Variants in RPS15A observed in about 807,000 individuals in gnomAD.
The protein encoded by RPS15A is ribosomal protein S15a, also known as small ribosomal subunit protein uS8.
For missense variants in RPS15A, 62 were observed against 163.4 expected (o/e 0.38, Z 3.38); for synonymous variants, 55 against 58.5 (o/e 0.94, Z 0.27).
chr16:18,783,343 C>G (rs558528987), intron 4 of RPS15A: 1 of 507,702 alleles, frequency 2.0e-6, no homozygotes, highest in Non-Finnish European at 3.5e-6. Context: ...TCTGCCTACA[C>G]CATGAAACAA....
At chr16:18,785,347 AT>A in intron 3 of RPS15A, 1 of 152,246 alleles carries the variant, frequency 6.6e-6, no homozygotes. Flanking sequence ...CCCCAGACAA[AT>A]TTTTCCAAAC....
chr16:18,783,376 G>A, intron 4 of RPS15A: 1 of 444,150 alleles, frequency 2.3e-6, no homozygotes, highest in Non-Finnish European at 4.1e-6. Context: ...ACAAAGGCTG[G>A]GAACTCCTTT....
chr16:18,784,670 C>G, intron 4 of RPS15A, 68 bp downstream of exon 4: 1 of 1,237,578 alleles, frequency 8.1e-7, no homozygotes, highest in Non-Finnish European at 1.1e-6. Context: ...GAAAAAAACC[C>G]TTAAGTCAAA....
At chr16:18,784,889 C>T (rs1904022152) in intron 3 of RPS15A, 66 bp from the exon 4 acceptor site, 1 of 1,281,064 alleles carries the variant, frequency 7.8e-7, no homozygotes, top group Non-Finnish European at 1.1e-6. Context: ...CTGAGTAACA[C>T]AAGATGACAT....
chr16:18,788,120 G>A lies in RPS15A; in HGVS notation c.156C>T (p.Ile52=), dbSNP rs1567288033. 1 of 1,611,754 alleles carries A rather than the reference G, an allele frequency of 6.2e-7. No homozygotes were observed. The highest frequency in any genetic ancestry group is 8.5e-7 in the Non-Finnish European group (1 of 1,178,236). Reference sequence around the variant, plus strand: ...TTTTCCCAGCTCTGTGGTCATCAATGATTTCAAATTCGCCAATGTAACCTA... The same window carrying A: ...TTTTCCCAGCTCTGTGGTCATCAATAATTTCAAATTCGCCAATGTAACCTA... ...MKHGYIGEFE[I]IDDHRAGKIV... is the part of the protein sequence containing the mutation. Residue 52 remains isoleucine, a synonymous_variant, in exon 3 of 5, where the codon ATC becomes ATT. Coordinates refer to ENST00000322989, the MANE Select transcript of RPS15A (RefSeq NM_001019.5).
chr16:18,789,746 A>AC (rs1167025345), intron 1 of RPS15A, among the ~76,000 whole-genome samples: 2 of 152,232 alleles, frequency 1.3e-5, no homozygotes, highest in Admixed American at 6.5e-5. Flanking sequence ...ACCGCACACT[A>AC]CACTGAAGTT....
At position 18,789,063 on chromosome 16, in the gene RPS15A, G is replaced by C. The variant is rs375762261; in HGVS notation, c.51C>G (p.Ala17=). The C allele has an allele frequency of 3.7e-6, 6 of 1,614,092 alleles. No homozygotes were observed. The highest frequency in any genetic ancestry group is 2.2e-5 in the East Asian group (1 of 44,882). Residue 17 remains alanine (A), a synonymous_variant, in exon 2 of 5, where the codon GCC becomes GCG. Coordinates refer to ENST00000322989, the MANE Select transcript of RPS15A (RefSeq NM_001019.5). ...GCACCTGGCGTTTGCCTCTCTTTTC[G>C]GCATTGTTGATACTCTTGAGAGCAT... ...LADALKSINN[A]EKRGKRQVLI... is the part of the protein sequence containing the mutation.
chr16:18,785,589 TG>T (rs1055535049), intron 3 of RPS15A: 3 of 152,144 alleles, frequency 2.0e-5, no homozygotes, highest in African/African-American at 7.2e-5. Context: ...CAGGCACACT[TG>T]AAAAACACTT....
At chr16:18,784,654 A>G in intron 4 of RPS15A, 84 bp downstream of exon 4, 1 of 1,076,178 alleles carries the variant, frequency 9.3e-7, no homozygotes, top group East Asian at 2.4e-5. Context: ...TTTAAACAGA[A>G]AAAAAGAAAA....
chr16:18,785,155 G>A (rs1405248812), intron 3 of RPS15A: 1 of 211,560 alleles, frequency 4.7e-6, no homozygotes, highest in Non-Finnish European at 9.3e-6. Flanking sequence ...GTCTCGACAA[G>A]AGAGACTACA....
chr16:18,782,978 C>A lies in RPS15A; in HGVS notation c.*31G>T. 1 of 1,324,756 alleles carries A rather than the reference C, an allele frequency of 7.5e-7. No individual in the cohort carries two copies. The highest frequency in any genetic ancestry group is 1.1e-6 in the Non-Finnish European group (1 of 933,048). 82.1% of individuals were successfully genotyped at this position (1,324,756 alleles called of 1,614,324 possible). On this transcript the variant is annotated 3_prime_UTR_variant, in exon 5 of 5. Transcript: ENST00000322989. ...AGTGGAAGCACCAGAGTCCATGAGG[C>A]ATTTTATTTGTAAATATATGTATTA...
At chr16:18,784,844 C>CA in intron 3 of RPS15A, 21 bp from the exon 4 acceptor site, 1 of 1,545,784 alleles carries the variant, frequency 6.5e-7, no homozygotes, top group Non-Finnish European at 8.8e-7. Context: ...ACAACAACAA[C>CA]AAAAACATTC....
chr16:18,782,930 G>T lies in RPS15A; in HGVS notation c.*79C>A. The T allele has an allele frequency of 1.2e-6, 1 of 818,396 alleles. No homozygotes were observed. The highest frequency in any genetic ancestry group is 2.0e-6 in the Non-Finnish European group (1 of 491,970). 50.7% of individuals were successfully genotyped at this position (818,396 alleles called of 1,614,324 possible). ...CTGCCGCAGAAGCTGTGGCTACACTGCTGTAAAGGCTCAAAACGACCAAGT... is the reference window on the plus strand; with the variant it reads ...CTGCCGCAGAAGCTGTGGCTACACTTCTGTAAAGGCTCAAAACGACCAAGT... On this transcript the variant is annotated 3_prime_UTR_variant, in exon 5 of 5. Coordinates refer to ENST00000322989, the MANE Select transcript of RPS15A (RefSeq NM_001019.5).
chr16:18,783,113 G>A lies in RPS15A; in HGVS notation c.300-11C>T, dbSNP rs1903990404. On this transcript the variant is annotated splice_polypyrimidine_tract_variant and intron_variant, in intron 4 of 4. Coordinates refer to ENST00000322989, the MANE Select transcript of RPS15A (RefSeq NM_001019.5). ...GTCAGTACAATGAAACTATGGAGTG[G>A]AAAAAGAAAGTGCTGGTAAGTTTAA... 1.9e-6 allele frequency: 3 copies of A among 1,569,422 alleles called. No individual in the cohort carries two copies. The African/African-American group carries it at 4.1e-5, about 21-fold the overall frequency.
At chr16:18,789,893 T>C (rs754156184) in intron 1 of RPS15A, 1 of 152,260 alleles carries the variant, frequency 6.6e-6, no homozygotes, top group Non-Finnish European at 1.5e-5. Context: ...GATGCAGCTT[T>C]TACCTGCTGG....
chr16:18,788,239 T>C, intron 2 of RPS15A, 97 bp from the exon 3 acceptor site: 1 of 763,768 alleles, frequency 1.3e-6, no homozygotes, highest in Non-Finnish European at 2.2e-6. Flanking sequence ...TCCCATCACC[T>C]CAGTGACTGC....
intron 3 of RPS15A, among the ~76,000 whole-genome samples, chr16:18,787,512 C>A (rs1053254127): frequency 3.3e-5 from 5 of 152,166 alleles, no homozygotes; most frequent in African/African-American, 4.8e-5. Context: ...AGACACCTGC[C>A]CCCAAAACAC....
Position 18,783,119 on chromosome 16 carries a change from G to C in RPS15A, c.300-17C>G. 2.6e-6 allele frequency: 4 copies of C among 1,537,636 alleles called. No homozygotes were observed. The highest frequency in any genetic ancestry group is 2.2e-5 in the South Asian group (2 of 89,084). Reference sequence around the variant, plus strand: ...ACAATGAAACTATGGAGTGGAAAAAGAAAGTGCTGGTAAGTTTAATAGTTC... The same window carrying C: ...ACAATGAAACTATGGAGTGGAAAAACAAAGTGCTGGTAAGTTTAATAGTTC... On this transcript the variant is annotated splice_polypyrimidine_tract_variant and intron_variant, in intron 4 of 4. Transcript: ENST00000322989.
At chr16:18,788,274 CA>C in intron 2 of RPS15A, 132 bp from the exon 3 acceptor site, 1 of 648,600 alleles carries the variant, frequency 1.5e-6, no homozygotes, top group Non-Finnish European at 2.7e-6. Flanking sequence ...GGGGGGAAGA[CA>C]GTTGCTCTGT....
Sources: gnomAD v4.1 joint callset for allele counts (sites outside exome capture counted in the v4.1 genomes callset) on GRCh38, gnomAD v4.1.1 for gene constraint, MANE v1.5 for transcripts, NCBI Gene and HGNC (gene_info 2026-07-23, HGNC 2026-07-21) for gene names.